MED12L: variants seen among roughly 807,000 people sequenced by gnomAD.
The protein encoded by MED12L is mediator complex subunit 12L.
In MED12L, 60 loss-of-function variants were observed where a neutral mutation model predicts 281.3. The observed-to-expected ratio is 0.21, with a 90% CI of 0.17 to 0.26. The LOEUF is 0.26. MED12L is among the 10% of genes least tolerant of loss of function. The pLI, the probability that MED12L is intolerant of heterozygous loss-of-function variation, is 1.00. For missense variants in MED12L, 2,146 were observed against 2,680.9 expected, an observed-to-expected ratio of 0.80 and a Z score of 4.41; for synonymous variants, 974 against 987.2, an observed-to-expected ratio of 0.99 and a Z score of 0.25.
rs768655903 is a variant in MED12L, at chr3:151,377,208, T to C, written c.4316+30T>C. On this transcript the variant is annotated intron_variant, in intron 30 of 44. Transcript: ENST00000687756. ...TTTTGTCTGTTGTTTTATTGAACTG[T>C]CATGAATTTTTCACAAGTAACGGTA... 4 of 1,567,736 alleles carry C rather than the reference T, an allele frequency of 2.6e-6. No individual in the cohort carries two copies. In the African/African-American group the frequency reaches 4.1e-5, roughly 16 times the overall value.
intron 2 of MED12L, among the ~76,000 whole-genome samples, chr3:151,091,920 C>G (rs1304081207): frequency 6.6e-6 from 1 of 152,172 alleles, no homozygotes; most frequent in Non-Finnish European, 1.5e-5. Flanking sequence ...AGAAAATGAG[C>G]TAATGTATGC....
intron 3 of MED12L, among the ~76,000 whole-genome samples, chr3:151,119,747 C>G (rs2148759149): frequency 6.6e-6 from 1 of 152,218 alleles, no homozygotes; most frequent in East Asian, 1.9e-4. Flanking sequence ...TATTACACTT[C>G]CGCTACCACT....
chr3:151,136,025 C>G (rs1309128102), intron 5 of MED12L, among the ~76,000 whole-genome samples: 1 of 152,184 alleles, frequency 6.6e-6, no homozygotes, highest in East Asian at 1.9e-4. Context: ...GCCTGGGGCA[C>G]TGCTCTGTTT....
At chr3:151,381,072 G>A (rs1006979760) in intron 32 of MED12L, among the ~76,000 whole-genome samples, 1 of 152,208 alleles carries the variant, frequency 6.6e-6, no homozygotes, top group African/African-American at 2.4e-5. Flanking sequence ...TTGCATCTAT[G>A]TACTATAAGG....
rs1038421952 is a variant in MED12L at position 151,086,785 on chromosome 3, C to T, written c.-129-13C>T. On this transcript the variant is annotated splice_polypyrimidine_tract_variant and intron_variant, in intron 1 of 44. Coordinates refer to ENST00000687756, the MANE Select transcript of MED12L (RefSeq NM_001393769.1). ...CGGCAGCATCCAACCTGCTTTATTC[C>T]TCCTGCCTGCAGCGCCACAGCGAGC... The T allele has an allele frequency of 9.3e-6, 6 of 645,782 alleles. No individual in the cohort carries two copies. The highest frequency in any genetic ancestry group is 1.6e-5 in the Non-Finnish European group (6 of 374,524). The allele number at this position is 645,782 out of a possible 1,614,324, so 40.0% of individuals were successfully genotyped here.
chr3:151,149,840 T>C (rs1012473637), intron 5 of MED12L, among the ~76,000 whole-genome samples: 1 of 152,220 alleles, frequency 6.6e-6, no homozygotes, highest in Admixed American at 6.5e-5. Flanking sequence ...GAAACCACTT[T>C]GTTTGCTCAT....
chr3:151,213,284 G>A (rs1220995), intron 16 of MED12L: 50,362 of 1,562,700 alleles, frequency 0.032, 1,281 homozygotes, highest in Admixed American at 0.12. Flanking sequence ...GTCTTTCTTT[G>A]GAAGAGGGTA....
intron 16 of MED12L, among the ~76,000 whole-genome samples, chr3:151,240,459 T>G (rs16863279): frequency 0.026 from 4,029 of 152,346 alleles, 162 homozygotes; most frequent in African/African-American, 0.093. Flanking sequence ...CTAGCATGTC[T>G]TGTTTAGTTT....
At chr3:151,260,238 T>C (rs1245780353) in intron 16 of MED12L, among the ~76,000 whole-genome samples, 1 of 152,216 alleles carries the variant, frequency 6.6e-6, no homozygotes, top group East Asian at 1.9e-4. Flanking sequence ...CTAATTAAAT[T>C]GTATGGACTT....
intron 16 of MED12L, chr3:151,300,073 A>G: frequency 6.2e-7 from 1 of 1,602,780 alleles, no homozygotes; most frequent in East Asian, 2.2e-5. Context: ...TTACTTGGTA[A>G]TTTTGCAAGC....
chr3:151,118,578 G>A (rs1438233980), intron 3 of MED12L, among the ~76,000 whole-genome samples: 1 of 151,016 alleles, frequency 6.6e-6, no homozygotes, highest in Non-Finnish European at 1.5e-5. Context: ...TAAGTGTACA[G>A]TTCTTGGGTA....
chr3:151,137,079 T>C (rs1716242912), intron 5 of MED12L, among the ~76,000 whole-genome samples: 1 of 151,272 alleles, frequency 6.6e-6, no homozygotes, highest in Non-Finnish European at 1.5e-5. Flanking sequence ...GGAGAATCGC[T>C]TGAACCTGGG....
intron 16 of MED12L, among the ~76,000 whole-genome samples, chr3:151,257,920 C>T (rs1738133844): frequency 6.6e-6 from 1 of 152,172 alleles, no homozygotes; most frequent in African/African-American, 2.4e-5. Flanking sequence ...ATTGCTGCTT[C>T]CTTCCCCACC....
At chr3:151,359,481 C>A (rs902959500) in intron 20 of MED12L, among the ~76,000 whole-genome samples, 23 of 152,040 alleles carry the variant, frequency 1.5e-4, no homozygotes, top group Non-Finnish European at 3.4e-4. Context: ...ACCTGTGATT[C>A]CATTGTCCTC....
intron 16 of MED12L, among the ~76,000 whole-genome samples, chr3:151,288,162 T>A (rs973437300): frequency 6.6e-6 from 1 of 152,244 alleles, no homozygotes; most frequent in Non-Finnish European, 1.5e-5. Context: ...GGATATTTTC[T>A]TGTTGTCCCT....
At chr3:151,275,575 CTT>C (rs1741714278) in intron 16 of MED12L, among the ~76,000 whole-genome samples, 1 of 152,094 alleles carries the variant, frequency 6.6e-6, no homozygotes, top group African/African-American at 2.4e-5. Flanking sequence ...GATTGAGAAG[CTT>C]TGCTGTGGTA....
intron 11 of MED12L, among the ~76,000 whole-genome samples, chr3:151,168,621 A>G (rs930549228): frequency 7.2e-5 from 11 of 152,264 alleles, no homozygotes; most frequent in African/African-American, 2.7e-4. Context: ...TTTTCAACCC[A>G]TAATTCAGAT....
At chr3:151,286,201 T>A (rs968180039) in intron 16 of MED12L, among the ~76,000 whole-genome samples, 1 of 152,162 alleles carries the variant, frequency 6.6e-6, no homozygotes, top group African/African-American at 2.4e-5. Flanking sequence ...TTCATTTAGT[T>A]GTGGCCTGCA....
intron 2 of MED12L, among the ~76,000 whole-genome samples, chr3:151,093,831 G>C (rs1019882974): frequency 6.6e-6 from 1 of 152,148 alleles, no homozygotes; most frequent in Non-Finnish European, 1.5e-5. Flanking sequence ...TGTGTCCCTG[G>C]GTTCTCAGTT....
Sources: gnomAD v4.1 joint callset for allele counts (sites outside exome capture counted in the v4.1 genomes callset) on GRCh38, gnomAD v4.1.1 for gene constraint, MANE v1.5 for transcripts, NCBI Gene and HGNC (gene_info 2026-07-23, HGNC 2026-07-21) for gene names.